Variants in ERBB4 observed in about 807,000 individuals in gnomAD.
ERBB4 encodes erb-b2 receptor tyrosine kinase 4.
A neutral mutation model predicts 158.0 loss-of-function variants in ERBB4; 42 were observed. The ratio of observed to expected loss-of-function variants is 0.27; its 90% CI spans 0.21 to 0.34. The LOEUF is 0.34. Ranked by LOEUF, ERBB4 falls within the 10% of genes least tolerant of loss-of-function variation. The pLI is 1.00. For missense variants in ERBB4, 1,333 were observed against 1,624.1 expected (o/e 0.82, Z 3.08); for synonymous variants, 583 against 558.7 (o/e 1.04, Z -0.61).
intron 2 of ERBB4, among the ~76,000 whole-genome samples, chr2:212,003,215 A>AAGAAAGAAAGAAAGACAGAC (rs1559294215): frequency 6.3e-5 from 3 of 47,274 alleles, no homozygotes; most frequent in African/African-American, 1.6e-4. Flanking sequence ...GACAGAAAGA[A>AAGAAAGAAAGAAAGACAGAC]GGAAGGAAGG....
chr2:211,426,267 A>AAAAC, intron 22 of ERBB4, among the ~76,000 whole-genome samples: 1 of 152,218 alleles, frequency 6.6e-6, no homozygotes, highest in East Asian at 1.9e-4. Flanking sequence ...AAGCTAAAAC[A>AAAAC]AAACATCCTC....
intron 2 of ERBB4, among the ~76,000 whole-genome samples, chr2:211,972,954 A>G (rs1485831528): frequency 6.6e-6 from 1 of 152,144 alleles, no homozygotes; most frequent in African/African-American, 2.4e-5. Context: ...GAAACTATCA[A>G]CAGAGTAAAC....
At chr2:212,306,302 CA>C (rs1458744627) in intron 1 of ERBB4, among the ~76,000 whole-genome samples, 1 of 151,366 alleles carries the variant, frequency 6.6e-6, no homozygotes, top group Non-Finnish European at 1.5e-5. Context: ...TGCAGTATTT[CA>C]AGAAGAAAAC....
chr2:211,685,169 G>GTTC (rs1193053460), intron 12 of ERBB4, among the ~76,000 whole-genome samples: 3 of 152,058 alleles, frequency 2.0e-5, no homozygotes, highest in Non-Finnish European at 2.9e-5. Flanking sequence ...TTTATGGATT[G>GTTC]TTCTTTGCAT....
At chr2:212,492,109 A>G (rs1029988391) in intron 1 of ERBB4, among the ~76,000 whole-genome samples, 8 of 151,578 alleles carry the variant, frequency 5.3e-5, no homozygotes, top group Non-Finnish European at 1.2e-4. Context: ...CAGAAAATAC[A>G]TCTTATAAAA....
At chr2:212,192,774 C>T (rs10166172) in intron 1 of ERBB4, among the ~76,000 whole-genome samples, 58,535 of 137,142 alleles carry the variant, frequency 0.43, 13,152 homozygotes, top group East Asian at 0.76. Context: ...GAAAAGTTTG[C>T]CCAGTTACAC....
intron 1 of ERBB4, among the ~76,000 whole-genome samples, chr2:212,153,915 C>T (rs1233260502): frequency 1.3e-5 from 2 of 151,944 alleles, no homozygotes; most frequent in Non-Finnish European, 2.9e-5. Flanking sequence ...GAAACTGTAA[C>T]TATTAACCTC....
At chr2:212,060,213 T>G (rs1215162092) in intron 2 of ERBB4, among the ~76,000 whole-genome samples, 1 of 152,106 alleles carries the variant, frequency 6.6e-6, no homozygotes, top group Non-Finnish European at 1.5e-5. Context: ...AAAAAAATGC[T>G]CATCATGACT....
chr2:212,320,844 C>T (rs2087537271), intron 1 of ERBB4, among the ~76,000 whole-genome samples: 2 of 150,248 alleles, frequency 1.3e-5, no homozygotes, highest in African/African-American at 4.8e-5. Flanking sequence ...CAGTAAAGTG[C>T]CTTGAAAATT....
At chr2:211,744,036 A>G (rs2074881444) in intron 5 of ERBB4, among the ~76,000 whole-genome samples, 1 of 152,226 alleles carries the variant, frequency 6.6e-6, no homozygotes, top group Admixed American at 6.5e-5. Flanking sequence ...GTTAGATTTT[A>G]CAAGCACAAT....
chr2:211,974,502 A>T (rs1448018047), intron 2 of ERBB4, among the ~76,000 whole-genome samples: 1 of 152,188 alleles, frequency 6.6e-6, no homozygotes, highest in Non-Finnish European at 1.5e-5. Context: ...TGGGTAAATT[A>T]TCCAAACCTT....
At chr2:211,753,721 G>A (rs1054181530) in intron 4 of ERBB4, among the ~76,000 whole-genome samples, 53 of 149,166 alleles carry the variant, frequency 3.6e-4, no homozygotes, top group Non-Finnish European at 6.1e-4. Flanking sequence ...CACAGGCTTC[G>A]ATATGTCCCT....
chr2:211,466,695 A>G (rs1199096230), intron 20 of ERBB4, among the ~76,000 whole-genome samples: 2 of 152,178 alleles, frequency 1.3e-5, no homozygotes, highest in East Asian at 3.9e-4. Flanking sequence ...AAGTGTCAGA[A>G]AAGTGCTATG....
chr2:212,387,923 G>A (rs2106429553), intron 1 of ERBB4, among the ~76,000 whole-genome samples: 1 of 152,136 alleles, frequency 6.6e-6, no homozygotes, highest in East Asian at 1.9e-4. Context: ...TAATTAACTA[G>A]GTGTGTATAG....
rs2075786679 is a variant in ERBB4, at chr2:211,773,631, T to TATATATATATATATATATATA, written c.556+14393_556+14394insTATATATATATATATATATAT. 3.3e-5 allele frequency among the ~76,000 whole-genome samples: 3 copies of TATATATATATATATATATATA among 91,232 alleles called. 1 individual carries two copies. The highest frequency in any genetic ancestry group is 2.1e-4 in the African/African-American group (3 of 14,350). The allele number at this position is 91,232 out of a possible 152,430, so 59.9% of individuals were successfully genotyped here. ...ATATATATATATATATATATATATA[T>TATATATATATATATATATATA]ATATATATATATATATAATATATAT... is the stretch of plus-strand genomic sequence containing the variant. On this transcript the variant is annotated intron_variant, in intron 4 of 27. Coordinates refer to ENST00000342788, the MANE Select transcript of ERBB4 (RefSeq NM_005235.3).
chr2:211,836,431 C>T (rs997462776), intron 3 of ERBB4, among the ~76,000 whole-genome samples: 1 of 152,052 alleles, frequency 6.6e-6, no homozygotes, highest in Admixed American at 6.6e-5. Flanking sequence ...AAACATGTAG[C>T]AACATGTGTG....
intron 3 of ERBB4, among the ~76,000 whole-genome samples, chr2:211,828,113 G>A (rs1194713460): frequency 6.6e-6 from 1 of 152,122 alleles, no homozygotes; most frequent in Non-Finnish European, 1.5e-5. Context: ...TAGGGAATGT[G>A]AACAATATCA....
intron 1 of ERBB4, among the ~76,000 whole-genome samples, chr2:212,422,947 A>G (rs1053905717): frequency 2.0e-5 from 3 of 152,210 alleles, no homozygotes; most frequent in Non-Finnish European, 4.4e-5. Context: ...CAGCTGGTTA[A>G]TATTATGTGA....
chr2:211,951,718 G>C (rs1175223624), intron 2 of ERBB4, among the ~76,000 whole-genome samples: 2 of 151,976 alleles, frequency 1.3e-5, no homozygotes, highest in Non-Finnish European at 2.9e-5. Context: ...TTATAACTGA[G>C]GTTCTAGTGT....
Sources: gnomAD v4.1 joint callset for allele counts (sites outside exome capture counted in the v4.1 genomes callset) on GRCh38, gnomAD v4.1.1 for gene constraint, MANE v1.5 for transcripts, NCBI Gene and HGNC (gene_info 2026-07-23, HGNC 2026-07-21) for gene names.